The following FBLN1 variants were observed in gnomAD, a reference collection of about 807,000 sequenced individuals.
FBLN1 encodes fibulin 1.
In FBLN1, 34 loss-of-function variants were observed where a neutral mutation model predicts 89.7. The observed-to-expected ratio is 0.38, with a 90% confidence interval of 0.29 to 0.50. The LOEUF (loss-of-function observed/expected upper bound fraction) is 0.50, where lower values mean the gene tolerates loss of function less well. Ranked by LOEUF, FBLN1 falls within the 20% of genes least tolerant of loss-of-function variation. The pLI is 0.92. For synonymous variants in FBLN1, 393 were observed against 391.3 expected (o/e 1.00, Z -0.05); for missense variants, 777 against 988.1 (o/e 0.79, Z 2.86).
intron 16 of FBLN1, among the ~76,000 whole-genome samples, chr22:45,582,283 G>A (rs1188475562): frequency 2.0e-5 from 3 of 152,216 alleles, no homozygotes; most frequent in African/African-American, 4.8e-5. Flanking sequence ...AGTCCCAGCC[G>A]TAGAGGATAA....
intron 1 of FBLN1, among the ~76,000 whole-genome samples, chr22:45,516,007 G>A (rs1053967839): frequency 1.3e-5 from 2 of 152,208 alleles, no homozygotes; most frequent in Admixed American, 6.5e-5. Context: ...CAAGACATTT[G>A]TGGCTATGAG....
In FBLN1 at chr22:45,574,497, G is replaced by A. The variant is rs769547454; in HGVS notation, c.1698-14G>A. The stretch of plus-strand genomic sequence containing the variant: ...AGCTTCCCCGTCAGCCTCGTGTGCT[G>A]TGGTTCCCCTCAGGCTCCAGCAGGA... On this transcript the variant is annotated splice_polypyrimidine_tract_variant and intron_variant, in intron 14 of 16. Coordinates refer to ENST00000327858, the MANE Select transcript of FBLN1 (RefSeq NM_006486.3). This position sits in a 1 kb window ranked among gnomAD's most constrained non-coding sequence, Gnocchi z 4.1. 6 of 1,614,100 alleles carry A rather than the reference G, an allele frequency of 3.7e-6. No individual in the cohort carries two copies. The highest frequency in any genetic ancestry group is 1.3e-5 in the African/African-American group (1 of 75,062).
intron 2 of FBLN1, chr22:45,523,035 G>A (rs994243525): frequency 7.4e-5 from 48 of 650,338 alleles, no homozygotes; most frequent in South Asian, 1.3e-4. Flanking sequence ...AGGATGTGCC[G>A]TGGGGGAAAC....
At chr22:45,520,447 C>T (rs543986291) in intron 2 of FBLN1, among the ~76,000 whole-genome samples, 3 of 150,084 alleles carry the variant, frequency 2.0e-5, no homozygotes, top group African/African-American at 7.3e-5. Flanking sequence ...TCCTGCTCAC[C>T]GCTTCCTCGA....
intron 16 of FBLN1, among the ~76,000 whole-genome samples, chr22:45,596,170 A>G (rs2089184485): frequency 6.6e-6 from 1 of 152,200 alleles, no homozygotes; most frequent in South Asian, 2.1e-4. Context: ...CGCCCGGCCA[A>G]AGGTTGCTGT....
At chr22:45,558,388 C>G (rs2088814787) in intron 14 of FBLN1, 1 of 229,812 alleles carries the variant, frequency 4.4e-6, no homozygotes, top group African/African-American at 2.3e-5. Flanking sequence ...CAAGAGCTGT[C>G]TCTCAAAAGG....
chr22:45,578,681 A>G lies in FBLN1; in HGVS notation c.1972+1573A>G, dbSNP rs920134779. Among the ~76,000 whole-genome samples, 14 of 152,324 alleles carry G rather than the reference A, an allele frequency of 9.2e-5. No individual in the cohort carries two copies. The highest frequency in any genetic ancestry group is 3.1e-4 in the African/African-American group (13 of 41,584). On this transcript the variant is annotated intron_variant, in intron 16 of 16. Transcript: ENST00000327858. The surrounding 1 kb of genome is among the most constrained non-coding windows in gnomAD (Gnocchi z 4.6). ...GGGGTATGCACCCTGACACTGGCCCACAGCCGCCCCCCGCCCCAAAGGGGC... is the reference window on the plus strand; with the variant it reads ...GGGGTATGCACCCTGACACTGGCCCGCAGCCGCCCCCCGCCCCAAAGGGGC...
chr22:45,550,775 A>C lies in FBLN1; in HGVS notation c.1697+160A>C. ...TGATCCCTGGCCCTCAAGCCCCTAA[A>C]TGCTAGTGACACTGGTCTCGGAAAG... On this transcript the variant is annotated intron_variant, in intron 14 of 16. Transcript: ENST00000327858. The surrounding 1 kb of genome is among the most constrained non-coding windows in gnomAD (Gnocchi z 8.4). 2.9e-6 allele frequency: 3 copies of C among 1,021,446 alleles called. No individual in the cohort carries two copies. Among genetic ancestry groups the C allele is most frequent in the Non-Finnish European group, 3.0e-6 (2 of 662,392 alleles). 63.3% of individuals were successfully genotyped at this position (1,021,446 alleles called of 1,614,324 possible).
At chr22:45,558,993 C>T (rs189976217) in intron 14 of FBLN1, among the ~76,000 whole-genome samples, 108 of 152,298 alleles carry the variant, frequency 7.1e-4, no homozygotes, top group Admixed American at 2.0e-3. Context: ...AAGCGAAATG[C>T]GATCAAGGTC....
At chr22:45,594,535 C>G (rs979946319) in intron 16 of FBLN1, among the ~76,000 whole-genome samples, 3 of 151,238 alleles carry the variant, frequency 2.0e-5, no homozygotes, top group Non-Finnish European at 4.4e-5. Flanking sequence ...GCAGAGTAGC[C>G]TCTAATGGAT....
intron 12 of FBLN1, 79 bp from the exon 13 acceptor site, chr22:45,548,534 C>T: frequency 1.3e-6 from 2 of 1,596,436 alleles, no homozygotes; most frequent in Admixed American, 1.7e-5. Flanking sequence ...CCAGTGCAGC[C>T]CCCAGGGCGA....
intron 16 of FBLN1, among the ~76,000 whole-genome samples, chr22:45,598,414 T>C (rs754228172): frequency 5.3e-5 from 8 of 152,152 alleles, no homozygotes; most frequent in Admixed American, 1.3e-4. Context: ...TGTCAGAACA[T>C]GTGGAACGGA....
chr22:45,584,256 G>C (rs1042802742), intron 16 of FBLN1, among the ~76,000 whole-genome samples: 1 of 152,198 alleles, frequency 6.6e-6, no homozygotes, highest in African/African-American at 2.4e-5. Flanking sequence ...CACATTGTCT[G>C]TGCTGAGTCG....
chr22:45,583,673 A>G lies in FBLN1; in HGVS notation c.1972+6565A>G, dbSNP rs2089060595. On this transcript the variant is annotated intron_variant, in intron 16 of 16. Coordinates refer to ENST00000327858, the MANE Select transcript of FBLN1 (RefSeq NM_006486.3). The surrounding 1 kb of genome is among the most constrained non-coding windows in gnomAD (Gnocchi z 4.5). Reference sequence around the variant, plus strand: ...GGTGTGCCAGTCAGGTGAGACGCAGAGAAGACAGCACAATCAACACAGGAA... The same window carrying G: ...GGTGTGCCAGTCAGGTGAGACGCAGGGAAGACAGCACAATCAACACAGGAA... Among the ~76,000 whole-genome samples the G allele has an allele frequency of 2.0e-5, 3 of 152,184 alleles. No homozygotes were observed. Among genetic ancestry groups the G allele is most frequent in the African/African-American group, 4.8e-5 (2 of 41,432 alleles).
In FBLN1 at chr22:45,541,235, A is replaced by G; in HGVS notation, c.929A>G (p.Asn310Ser). Residue 310 changes from asparagine to serine, a missense_variant, in exon 9 of 17, where the codon AAT (asparagine) becomes AGT (serine). Coordinates refer to ENST00000327858, the MANE Select transcript of FBLN1 (RefSeq NM_006486.3). ...QDALGNCIDI[N>S]ECLSISAPCP... The stretch of plus-strand genomic sequence containing the variant: ...CTGTCTTTTCCCGCTGTAGATATCA[A>G]TGAGTGTTTGAGTATCAGTGCCCCG... 1.9e-6 allele frequency: 3 copies of G among 1,614,218 alleles called. No individual in the cohort carries two copies. Among genetic ancestry groups the G allele is most frequent in the Non-Finnish European group, 2.5e-6 (3 of 1,180,026 alleles).
intron 14 of FBLN1, among the ~76,000 whole-genome samples, chr22:45,555,730 T>C (rs906527742): frequency 2.0e-5 from 3 of 152,194 alleles, no homozygotes; most frequent in African/African-American, 7.2e-5. Context: ...CCTTGTCAAC[T>C]TGAACCCATG....
At chr22:45,539,291 G>C (rs1314228183) in intron 8 of FBLN1, among the ~76,000 whole-genome samples, 2 of 144,772 alleles carry the variant, frequency 1.4e-5, no homozygotes, top group Non-Finnish European at 3.0e-5. Context: ...CCTCCACCCT[G>C]CTGGGTTCAA....
At chr22:45,594,535 C>T (rs979946319) in intron 16 of FBLN1, among the ~76,000 whole-genome samples, 1 of 151,238 alleles carries the variant, frequency 6.6e-6, no homozygotes, top group African/African-American at 2.4e-5. Flanking sequence ...GCAGAGTAGC[C>T]TCTAATGGAT....
At chr22:45,585,823 G>A (rs1240967743) in intron 16 of FBLN1, among the ~76,000 whole-genome samples, 1 of 152,146 alleles carries the variant, frequency 6.6e-6, no homozygotes, top group East Asian at 1.9e-4. Context: ...ACCCCATGGG[G>A]CAGAGATGGG....
Sources: gnomAD v4.1 joint callset for allele counts (sites outside exome capture counted in the v4.1 genomes callset) on GRCh38, gnomAD v4.1.1 for gene constraint, Gnocchi (gnomAD v3.1) non-coding constraint, MANE v1.5 for transcripts, NCBI Gene and HGNC (gene_info 2026-07-23, HGNC 2026-07-21) for gene names.